The following GLIS3 variants were observed in gnomAD, a reference collection of about 807,000 sequenced individuals.
GLIS3 encodes zinc finger protein GLIS3.
A neutral mutation model predicts 78.6 loss-of-function variants in GLIS3; 53 were observed. The observed-to-expected ratio is 0.67, with a 90% CI of 0.54 to 0.85. The LOEUF is 0.85. GLIS3 is among the 40% of genes least tolerant of loss of function. The pLI is 0.00. For synonymous variants in GLIS3, 684 were observed against 509.9 expected, an observed-to-expected ratio of 1.34 and a Z score of -4.60; for missense variants, 1,703 against 1,231.1, an observed-to-expected ratio of 1.38 and a Z score of -5.74.
At chr9:3,996,391 T>C (rs541345795) in intron 4 of GLIS3, among the ~76,000 whole-genome samples, 3 of 152,234 alleles carry the variant, frequency 2.0e-5, no homozygotes, top group Admixed American at 2.0e-4. Flanking sequence ...ATTTGTGAGA[T>C]CAAAATAGAT....
At chr9:4,316,082 T>C (rs944234426) in intron 2 of GLIS3, among the ~76,000 whole-genome samples, 7 of 152,214 alleles carry the variant, frequency 4.6e-5, no homozygotes, top group Non-Finnish European at 1.0e-4. Flanking sequence ...TGTATGTATA[T>C]GCTATTCCCC....
At chr9:4,297,636 C>G (rs1488958392) in intron 1 of GLIS3, among the ~76,000 whole-genome samples, 1 of 152,198 alleles carries the variant, frequency 6.6e-6, no homozygotes, top group African/African-American at 2.4e-5. Context: ...CGAGTCCTGT[C>G]TCTACGGACC....
intron 8 of GLIS3, among the ~76,000 whole-genome samples, chr9:3,875,065 C>T (rs1821226231): frequency 6.6e-6 from 1 of 152,200 alleles, no homozygotes; most frequent in South Asian, 2.1e-4. Flanking sequence ...CAAAAAGAGA[C>T]TCCCATCAAT....
chr9:4,329,156 A>G (rs1817646566), intron 2 of GLIS3, among the ~76,000 whole-genome samples: 1 of 151,982 alleles, frequency 6.6e-6, no homozygotes, highest in Non-Finnish European at 1.5e-5. Flanking sequence ...AGAATTTTCT[A>G]CCTCTGTGGC....
rs180857134 is a variant in GLIS3 at position 4,055,072 on chromosome 9, G to T, written c.1710+62696C>A. 3.0e-3 allele frequency among the ~76,000 whole-genome samples: 459 copies of T among 152,242 alleles called. 3 individuals are homozygous for T. Among genetic ancestry groups the T allele is most frequent in the African/African-American group, 0.011 (437 of 41,558 alleles). On this transcript the variant is annotated intron_variant, in intron 4 of 10. Coordinates refer to ENST00000381971, the MANE Select transcript of GLIS3 (RefSeq NM_001042413.2). ...TTTTCCTCTTTTCCTTGTCCAGTGG[G>T]TAAGGGGAGAATGAAAGAAGGCAAT...
chr9:3,909,888 G>A (rs368421868), intron 6 of GLIS3, among the ~76,000 whole-genome samples: 1 of 152,222 alleles, frequency 6.6e-6, no homozygotes, highest in Non-Finnish European at 1.5e-5. Flanking sequence ...TGACTAATGA[G>A]CATTTGAAGT....
At chr9:4,399,591 T>A in the GLIS3 span, among the ~76,000 whole-genome samples, 1 of 152,244 alleles carries the variant, frequency 6.6e-6, no homozygotes, top group Admixed American at 6.5e-5. Context: ...TTTAATCTTG[T>A]AATTTGTTAT....
chr9:4,234,829 T>C (rs1361839803), intron 2 of GLIS3, among the ~76,000 whole-genome samples: 1 of 152,186 alleles, frequency 6.6e-6, no homozygotes, highest in African/African-American at 2.4e-5. Flanking sequence ...CTCAAGGTCA[T>C]GCAACTATTT....
chr9:4,416,458 G>T, the GLIS3 span, among the ~76,000 whole-genome samples: 1 of 152,010 alleles, frequency 6.6e-6, no homozygotes, highest in South Asian at 2.1e-4. Flanking sequence ...ATATTGACAA[G>T]TATCTTGTTC....
At chr9:4,391,698 G>A in the GLIS3 span, among the ~76,000 whole-genome samples, 1 of 152,116 alleles carries the variant, frequency 6.6e-6, no homozygotes, top group Non-Finnish European at 1.5e-5. Context: ...TCAGATAGAG[G>A]TTTGTACTGT....
intron 2 of GLIS3, among the ~76,000 whole-genome samples, chr9:4,180,553 C>A (rs953024229): frequency 1.3e-5 from 2 of 152,142 alleles, no homozygotes; most frequent in Non-Finnish European, 2.9e-5. Context: ...AAGTATGAGG[C>A]CTATCATCAG....
intron 4 of GLIS3, among the ~76,000 whole-genome samples, chr9:4,078,089 T>C (rs761903641): frequency 3.9e-5 from 6 of 152,132 alleles, no homozygotes; most frequent in Admixed American, 6.5e-5. Flanking sequence ...TGGTCCCCCA[T>C]TGCTGGAGCT....
intron 2 of GLIS3, among the ~76,000 whole-genome samples, chr9:4,128,050 T>C (rs1283294924): frequency 1.3e-5 from 2 of 152,232 alleles, no homozygotes; most frequent in African/African-American, 4.8e-5. Flanking sequence ...ATTTCAGAGA[T>C]GTTGTAATGT....
Position 4,286,277 on chromosome 9 carries a change from G to C in GLIS3, c.149C>G (p.Thr50Ser), listed in dbSNP as rs1827987881. 1.9e-5 allele frequency: 31 copies of C among 1,614,138 alleles called. No homozygotes were observed. Among genetic ancestry groups the C allele is most frequent in the Non-Finnish European group, 2.5e-5 (30 of 1,180,050 alleles). The change falls in exon 2 of 11, where the codon ACT becomes AGT. Residue 50 changes from threonine (T) to serine (S), a missense_variant. Thr to Ser is a moderately conservative substitution (Grantham distance 58). Coordinates refer to ENST00000381971, the MANE Select transcript of GLIS3 (RefSeq NM_001042413.2). ...GAGGTTGTTAGCAAGGCTTGCCATA[G>C]TGGGACTCGATGTGCTGCCACAGGG... is the stretch of plus-strand genomic sequence containing the variant. ...PSPCGSTSSPTMASLANNLHL... is the reference protein window; with the variant it reads ...PSPCGSTSSPSMASLANNLHL...
At chr9:3,874,015 G>C (rs902663448) in intron 8 of GLIS3, among the ~76,000 whole-genome samples, 1 of 152,208 alleles carries the variant, frequency 6.6e-6, no homozygotes, top group African/African-American at 2.4e-5. Flanking sequence ...CCCCATTCCT[G>C]GCATACAACT....
chr9:4,154,674 A>G (rs10119619), intron 2 of GLIS3, among the ~76,000 whole-genome samples: 39,002 of 152,036 alleles, frequency 0.26, 7,017 homozygotes, highest in African/African-American at 0.51. Flanking sequence ...TCTAGTAGAT[A>G]AGACATAAAA....
chr9:4,042,272 T>C (rs1277778048), intron 4 of GLIS3, among the ~76,000 whole-genome samples: 1 of 152,154 alleles, frequency 6.6e-6, no homozygotes, highest in Non-Finnish European at 1.5e-5. Flanking sequence ...TTTGCAAGTA[T>C]CCAAGATGTA....
intron 2 of GLIS3, among the ~76,000 whole-genome samples, chr9:4,320,805 G>T (rs1365354542): frequency 6.6e-6 from 1 of 152,072 alleles, no homozygotes; most frequent in Non-Finnish European, 1.5e-5. Flanking sequence ...ACCCAACATT[G>T]TATTATGTCT....
the GLIS3 span, among the ~76,000 whole-genome samples, chr9:4,421,587 C>A: frequency 6.6e-6 from 1 of 152,198 alleles, no homozygotes; most frequent in African/African-American, 2.4e-5. Flanking sequence ...ATAAAAAGGA[C>A]CTCACCCAAG....
Sources: gnomAD v4.1 joint callset for allele counts (sites outside exome capture counted in the v4.1 genomes callset) on GRCh38, gnomAD v4.1.1 for gene constraint, MANE v1.5 for transcripts, NCBI Gene and HGNC (gene_info 2026-07-23, HGNC 2026-07-21) for gene names.